Variants in MYOF observed in about 807,000 individuals in gnomAD.
MYOF encodes the protein myoferlin.
In MYOF, 244 loss-of-function variants were observed where a neutral mutation model predicts 284.2. That is an observed-to-expected ratio of 0.86 (90% CI 0.77 to 0.95). MYOF has a LOEUF of 0.95. Among genes scored for constraint, MYOF ranks in the 40% least tolerant of loss-of-function variants. The pLI, the probability that MYOF is intolerant of heterozygous loss-of-function variation, is 0.00. For synonymous variants in MYOF, 904 were observed against 919.7 expected, an observed-to-expected ratio of 0.98 and a Z score of 0.31; for missense variants, 2,496 against 2,560.6, an observed-to-expected ratio of 0.97 and a Z score of 0.54.
rs66478337 is a variant in MYOF at position 93,406,567 on chromosome 10, CA to C, written c.729+2219del. On this transcript the variant is annotated intron_variant, in intron 7 of 53. Coordinates refer to ENST00000359263, the MANE Select transcript of MYOF (RefSeq NM_013451.4). ...GTAATCCAGCATCTTGCCTCCTCCC[CA>C]CCCATCCAGTCTTGCCCTCCAACGT... Among the ~76,000 whole-genome samples, 19 of 93,360 alleles carry C rather than the reference CA, an allele frequency of 2.0e-4. No homozygotes were observed. The South Asian group carries it at 5.4e-3, about 26-fold the overall frequency. 61.2% of individuals were successfully genotyped at this position (93,360 alleles called of 152,430 possible).
chr10:93,406,414 C>T (rs1847591184), intron 7 of MYOF, among the ~76,000 whole-genome samples: 1 of 149,550 alleles, frequency 6.7e-6, no homozygotes, highest in African/African-American at 2.4e-5. Flanking sequence ...TCTAATCCCC[C>T]TCAAACTCAT....
chr10:93,309,302 AATC>A (rs1842279149), intron 53 of MYOF, among the ~76,000 whole-genome samples: 1 of 152,224 alleles, frequency 6.6e-6, no homozygotes, highest in Non-Finnish European at 1.5e-5. Flanking sequence ...CCAATAATTT[AATC>A]ATCACTATAA....
intron 45 of MYOF, 37 bp downstream of exon 45, chr10:93,328,726 C>G: frequency 3.8e-6 from 6 of 1,591,164 alleles, no homozygotes; most frequent in Non-Finnish European, 5.2e-6. Flanking sequence ...GGTTACTATA[C>G]TTTGTACCAG....
At chr10:93,459,443 C>T (rs2056825082) in intron 1 of MYOF, among the ~76,000 whole-genome samples, 1 of 152,194 alleles carries the variant, frequency 6.6e-6, no homozygotes, top group South Asian at 2.1e-4. Context: ...GACAATTCTT[C>T]CAGGTAAACA....
chr10:93,419,471 C>G (rs976629309), intron 5 of MYOF, among the ~76,000 whole-genome samples: 2 of 151,984 alleles, frequency 1.3e-5, no homozygotes, highest in African/African-American at 4.8e-5. Flanking sequence ...CCCCAAAATG[C>G]CCTTCTTAAA....
intron 5 of MYOF, among the ~76,000 whole-genome samples, chr10:93,416,247 C>T (rs954689540): frequency 1.3e-5 from 2 of 152,198 alleles, no homozygotes; most frequent in African/African-American, 2.4e-5. Context: ...GGCCGGGCGT[C>T]GTGGCTCATG....
chr10:93,442,133 C>T (rs1307008878), intron 3 of MYOF, among the ~76,000 whole-genome samples: 1 of 151,858 alleles, frequency 6.6e-6, no homozygotes, highest in South Asian at 2.1e-4. Flanking sequence ...AGCTGAGTGA[C>T]CTTTTACAAT....
At chr10:93,369,856 G>T in intron 24 of MYOF, 80 bp from the exon 25 acceptor site, 1 of 1,543,138 alleles carries the variant, frequency 6.5e-7, no homozygotes, top group South Asian at 1.2e-5. Flanking sequence ...AAAAACAGAG[G>T]GAACATCTAA....
At chr10:93,472,498 GC>G (rs1176727604) in intron 1 of MYOF, among the ~76,000 whole-genome samples, 1 of 152,054 alleles carries the variant, frequency 6.6e-6, no homozygotes, top group African/African-American at 2.4e-5. Context: ...AATTAGCCAG[GC>G]ATGGTGGCAT....
At chr10:93,442,041 C>CACACACAGAG (rs57700900) in intron 3 of MYOF, among the ~76,000 whole-genome samples, 16 of 142,626 alleles carry the variant, frequency 1.1e-4, no homozygotes, top group Non-Finnish European at 1.5e-4. Flanking sequence ...CACACACACA[C>CACACACAGAG]AGAATAAACC....
chr10:93,428,811 T>C (rs1198878871), intron 4 of MYOF, among the ~76,000 whole-genome samples: 2 of 152,106 alleles, frequency 1.3e-5, no homozygotes, highest in Non-Finnish European at 2.9e-5. Context: ...AGGGCTTAGT[T>C]GCTAAACTGA....
chr10:93,355,732 G>A lies in MYOF; in HGVS notation c.3299C>T (p.Ala1100Val). The change falls in exon 31 of 54, where the codon GCA becomes GTA. Residue 1100 changes from alanine (A) to valine (V), a missense_variant. This residue lies in a region of MYOF where 2,436 missense variants were observed against 2,480.7 expected (regional missense o/e 0.98). Coordinates refer to ENST00000359263, the MANE Select transcript of MYOF (RefSeq NM_013451.4). ...CTCATCCCCATCTTCGGTAGTGTCT[G>A]CCCCCTGAAGTCAATTAACAGAGTC... ...AIFKLEGALGADTTEDGDEKS... is the reference protein window; with the variant it reads ...AIFKLEGALGVDTTEDGDEKS... The A allele has an allele frequency of 6.2e-7, 1 of 1,611,362 alleles. No individual in the cohort carries two copies.
In MYOF at chr10:93,408,846, C is replaced by T. The variant is rs762578223; in HGVS notation, c.670G>A (p.Val224Ile). Reference protein sequence around the residue: ...NNIRPVVKVHVCGQTHRTRIK... With the variant: ...NNIRPVVKVHICGQTHRTRIK... Reference sequence around the variant, plus strand: ...CTTGTTCGGTGTGTCTGGCCACAGACGTGAACTTTGACCACAGGCCTTATG... The same window carrying T: ...CTTGTTCGGTGTGTCTGGCCACAGATGTGAACTTTGACCACAGGCCTTATG... Residue 224 changes from valine (V) to isoleucine (I), a missense_variant, in exon 7 of 54, where the codon GTC (valine) becomes ATC (isoleucine). By Grantham distance (29) the Val-to-Ile change is conservative. This residue lies in a region of MYOF where 2,436 missense variants were observed against 2,480.7 expected (regional missense o/e 0.98). Coordinates refer to ENST00000359263, the MANE Select transcript of MYOF (RefSeq NM_013451.4). 38 of 1,614,228 alleles carry T rather than the reference C, an allele frequency of 2.4e-5. No homozygotes were observed. The highest frequency in any genetic ancestry group is 2.2e-4 in the South Asian group (20 of 91,090).
intron 1 of MYOF, 124 bp from the exon 2 acceptor site, chr10:93,457,061 C>G (rs985663696): frequency 5.9e-6 from 4 of 680,868 alleles, no homozygotes; most frequent in Non-Finnish European, 9.9e-6. Flanking sequence ...CCATTCATCG[C>G]TTAGGATGGG....
chr10:93,444,209 A>G (rs1364196266), intron 3 of MYOF, among the ~76,000 whole-genome samples: 2 of 152,172 alleles, frequency 1.3e-5, no homozygotes, highest in Non-Finnish European at 2.9e-5. Flanking sequence ...TAAATGGTAA[A>G]TGTCATCCAC....
chr10:93,333,997 G>T, intron 41 of MYOF, 84 bp from the exon 42 acceptor site: 3 of 1,405,532 alleles, frequency 2.1e-6, no homozygotes, highest in Non-Finnish European at 2.9e-6. Context: ...TCCGCCAGGG[G>T]TGTGGGATTG....
intron 46 of MYOF, chr10:93,323,573 G>C: frequency 7.2e-6 from 4 of 558,528 alleles, no homozygotes; most frequent in South Asian, 5.0e-5. Flanking sequence ...CTCACTCAGG[G>C]GTCTCTGACG....
chr10:93,477,662 C>T (rs931581076), intron 1 of MYOF, among the ~76,000 whole-genome samples: 5 of 152,086 alleles, frequency 3.3e-5, no homozygotes, highest in East Asian at 1.9e-4. Context: ...GCCTGACCAA[C>T]ATGGTGAAAC....
chr10:93,427,031 C>T (rs1387282067), intron 4 of MYOF, among the ~76,000 whole-genome samples: 9 of 150,814 alleles, frequency 6.0e-5, no homozygotes, highest in Admixed American at 4.6e-4. Flanking sequence ...GGAATACAGG[C>T]GTGCACCATC....
Sources: gnomAD v4.1 joint callset for allele counts (sites outside exome capture counted in the v4.1 genomes callset) on GRCh38, gnomAD v4.1.1 for gene constraint, gnomAD v4.1.1 regional missense constraint, MANE v1.5 for transcripts, NCBI Gene and HGNC (gene_info 2026-07-23, HGNC 2026-07-21) for gene names.